MYT1L: variants seen among roughly 807,000 people sequenced by gnomAD.
MYT1L encodes the protein myelin transcription factor 1 like.
A neutral mutation model predicts 126.7 loss-of-function variants in MYT1L; 12 were observed. The observed-to-expected ratio is 0.09, with a 90% confidence interval of 0.06 to 0.15. MYT1L has a LOEUF of 0.15. Among genes scored for constraint, MYT1L ranks in the 10% least tolerant of loss-of-function variants. The pLI, the probability that MYT1L is intolerant of heterozygous loss-of-function variation, is 1.00. For missense variants in MYT1L, 979 were observed against 1,585.2 expected (o/e 0.62, Z 6.49); for synonymous variants, 541 against 604.2 (o/e 0.90, Z 1.53).
intron 22 of MYT1L, among the ~76,000 whole-genome samples, chr2:1,808,334 G>A (rs992190242): frequency 6.6e-6 from 1 of 152,186 alleles, no homozygotes; most frequent in Admixed American, 6.5e-5. Flanking sequence ...TTCTCTGTGA[G>A]GCACATCACA....
chr2:1,802,675 C>T (rs2035057083), intron 22 of MYT1L, among the ~76,000 whole-genome samples: 1 of 152,172 alleles, frequency 6.6e-6, no homozygotes, highest in Non-Finnish European at 1.5e-5. Flanking sequence ...AAAGGCCATT[C>T]TGGACACTTG....
chr2:1,852,613 C>T lies in MYT1L; in HGVS notation c.2712-910G>A, dbSNP rs2148540926. On this transcript the variant is annotated intron_variant, in intron 18 of 24. Transcript: ENST00000647738. The surrounding 1 kb of genome is among the most constrained non-coding windows in gnomAD (Gnocchi z 4.0). ...GAATAATGAGATCACACCGCAAACA[C>T]ATTTTCACTTTGAGCTATTTCAGTT... Among the ~76,000 whole-genome samples the T allele has an allele frequency of 6.6e-6, 1 of 152,280 alleles. No individual in the cohort carries two copies. Among genetic ancestry groups the T allele is most frequent in the South Asian group, 2.1e-4 (1 of 4,826 alleles).
intron 2 of MYT1L, among the ~76,000 whole-genome samples, chr2:2,204,093 C>G (rs1030292554): frequency 2.0e-5 from 3 of 152,140 alleles, no homozygotes; most frequent in African/African-American, 7.2e-5. Context: ...TTCCTTACAC[C>G]TTATGCAAAA....
intron 18 of MYT1L, among the ~76,000 whole-genome samples, chr2:1,882,674 A>C (rs1444159327): frequency 3.3e-5 from 5 of 152,212 alleles, no homozygotes; most frequent in African/African-American, 1.2e-4. Context: ...GATTATTCCT[A>C]AGAACTTGGT....
intron 22 of MYT1L, among the ~76,000 whole-genome samples, chr2:1,804,517 G>C (rs1393876335): frequency 6.6e-6 from 1 of 152,208 alleles, no homozygotes; most frequent in Non-Finnish European, 1.5e-5. Flanking sequence ...GGAGGGCCCA[G>C]CCAAAAAGCA....
At chr2:1,816,654 T>G (rs2037696791) in intron 21 of MYT1L, 1 of 152,772 alleles carries the variant, frequency 6.5e-6, no homozygotes. Flanking sequence ...AGGATGGACA[T>G]GGTGCACGTT....
chr2:2,072,786 T>C lies in MYT1L; in HGVS notation c.-303-18663A>G, dbSNP rs532770443. On this transcript the variant is annotated intron_variant, in intron 3 of 24. Transcript: ENST00000647738. Reference sequence around the variant, plus strand: ...GTTTGGAAGTTCCTACTCGTCCTTCTCTCTCCTGCTGCCCTGTGAAGAAGC... The same window carrying C: ...GTTTGGAAGTTCCTACTCGTCCTTCCCTCTCCTGCTGCCCTGTGAAGAAGC... Among the ~76,000 whole-genome samples the C allele has an allele frequency of 2.0e-5, 3 of 152,304 alleles. No individual in the cohort carries two copies. The South Asian group carries it at 6.2e-4, about 32-fold the overall frequency.
chr2:1,824,026 G>A (rs2038957297), intron 21 of MYT1L, among the ~76,000 whole-genome samples: 1 of 152,192 alleles, frequency 6.6e-6, no homozygotes, highest in African/African-American at 2.4e-5. Context: ...GCCGGGCAGA[G>A]GTGATGTGGG....
At chr2:1,915,484 G>A (rs1052130608) in intron 11 of MYT1L, among the ~76,000 whole-genome samples, 1 of 151,908 alleles carries the variant, frequency 6.6e-6, no homozygotes, top group Non-Finnish European at 1.5e-5. Context: ...GGAGTCAGAA[G>A]AATTTCCCAT....
chr2:1,853,203 T>A (rs796387777), intron 18 of MYT1L, among the ~76,000 whole-genome samples: 5 of 152,172 alleles, frequency 3.3e-5, no homozygotes, highest in African/African-American at 7.2e-5. Flanking sequence ...AATGAGAGGG[T>A]CACTGAGTGA....
chr2:1,817,336 C>T (rs558088682), intron 21 of MYT1L, among the ~76,000 whole-genome samples: 3 of 152,302 alleles, frequency 2.0e-5, no homozygotes, highest in East Asian at 3.9e-4. Context: ...GGGCGCCACA[C>T]GGCCGGAAAC....
intron 5 of MYT1L, among the ~76,000 whole-genome samples, chr2:1,988,050 CT>C: frequency 6.6e-6 from 1 of 152,218 alleles, no homozygotes; most frequent in African/African-American, 2.4e-5. Context: ...TTTCCATAGA[CT>C]TTGCACATGC....
intron 3 of MYT1L, among the ~76,000 whole-genome samples, chr2:2,081,369 T>C (rs1198435446): frequency 1.3e-5 from 2 of 152,206 alleles, no homozygotes; most frequent in Non-Finnish European, 2.9e-5. Flanking sequence ...TCTGGACTCC[T>C]ACTTCCCTCT....
At chr2:2,009,121 C>T (rs2149741816) in intron 4 of MYT1L, among the ~76,000 whole-genome samples, 2 of 150,784 alleles carry the variant, frequency 1.3e-5, no homozygotes, top group Middle Eastern at 3.4e-3. Flanking sequence ...AAGTATGATT[C>T]CTCCAACTTT....
chr2:1,794,920 G>A (rs1244026396), intron 23 of MYT1L, among the ~76,000 whole-genome samples: 4 of 152,224 alleles, frequency 2.6e-5, no homozygotes, highest in Non-Finnish European at 5.9e-5. Flanking sequence ...GAACCAGGCT[G>A]CTTGGTGAGC....
At position 1,979,755 on chromosome 2, in the gene MYT1L, T is replaced by C; in HGVS notation, c.23A>G (p.Lys8Arg). 6.2e-7 allele frequency: 1 copy of C among 1,613,968 alleles called. No homozygotes were observed. Among genetic ancestry groups the C allele is most frequent in the East Asian group, 2.2e-5 (1 of 44,872 alleles). The change falls in exon 6 of 25, where the codon AAG (lysine) becomes AGG (arginine). Residue 8 changes from lysine to arginine, a missense_variant. Lys to Arg is a conservative substitution (Grantham distance 26). Coordinates refer to ENST00000647738, the MANE Select transcript of MYT1L (RefSeq NM_001303052.2). The surrounding 1 kb of genome is among the most constrained non-coding windows in gnomAD (Gnocchi z 4.0). ...CCCTTTGGACCGCGTGCGATGCCGC[T>C]TCTCCTCGGTGTCCACCTCCATCTG... MEVDTEEKRHRTRSKGVR... is the reference protein window; with the variant it reads MEVDTEERRHRTRSKGVR...
chr2:2,001,237 C>CTTTTTTTTTTTTTTTTTCT (rs11389323), intron 4 of MYT1L, among the ~76,000 whole-genome samples: 12 of 103,884 alleles, frequency 1.2e-4, no homozygotes, highest in African/African-American at 2.3e-4. Flanking sequence ...TTGGTTTTAG[C>CTTTTTTTTTTTTTTTTTCT]TTTTTTTTTT....
In MYT1L at chr2:1,806,685, C is replaced by T. The variant is rs75925228; in HGVS notation, c.3172+2391G>A. On this transcript the variant is annotated intron_variant, in intron 22 of 24. Transcript: ENST00000647738. This position sits in a 1 kb window ranked among gnomAD's most constrained non-coding sequence, Gnocchi z 4.9. Reference sequence around the variant, plus strand: ...ATGGCCACCTCAGGGATCTGCCCACCGCCGCCCAGGTGGACCAGCCCAGGT... The same window carrying T: ...ATGGCCACCTCAGGGATCTGCCCACTGCCGCCCAGGTGGACCAGCCCAGGT... Among the ~76,000 whole-genome samples, 4 of 152,128 alleles carry T rather than the reference C, an allele frequency of 2.6e-5. No homozygotes were observed. Among genetic ancestry groups the T allele is most frequent in the South Asian group, 2.1e-4 (1 of 4,812 alleles).
intron 4 of MYT1L, among the ~76,000 whole-genome samples, chr2:2,029,929 A>C (rs1367973251): frequency 6.6e-6 from 1 of 152,150 alleles, no homozygotes; most frequent in Non-Finnish European, 1.5e-5. Flanking sequence ...TTTACCTGTA[A>C]TGTAAGGGCT....
Sources: allele counts gnomAD v4.1 joint callset (sites outside exome capture counted in the v4.1 genomes callset), GRCh38; gene constraint gnomAD v4.1.1; non-coding constraint Gnocchi (gnomAD v3.1); transcripts MANE v1.5; gene names NCBI Gene and HGNC (gene_info 2026-07-23, HGNC 2026-07-21).